Variants in KCNQ1 observed in about 807,000 individuals in gnomAD.
The protein encoded by KCNQ1 is potassium voltage-gated channel subfamily Q member 1.
Under a neutral mutation model 72.4 loss-of-function variants are expected in KCNQ1, and 49 were observed. That is an observed-to-expected ratio of 0.68 (90% confidence interval 0.54 to 0.86). The LOEUF (loss-of-function observed/expected upper bound fraction) is 0.86. KCNQ1 is among the 40% of genes least tolerant of loss of function. KCNQ1 has a pLI of 0.00. For missense variants in KCNQ1, 790 were observed against 945.1 expected (o/e 0.84, Z 2.15); for synonymous variants, 450 against 412.6 (o/e 1.09, Z -1.10).
At chr11:2,518,933 A>G (rs1211671783) in intron 1 of KCNQ1, among the ~76,000 whole-genome samples, 1 of 152,120 alleles carries the variant, frequency 6.6e-6, no homozygotes, top group Non-Finnish European at 1.5e-5. Context: ...CTGGACGGGG[A>G]GGACCAGGCT....
Position 2,570,636 on chromosome 11 carries a change from G to A in KCNQ1, c.486G>A (p.Val162=). 1 of 1,612,686 alleles carries A rather than the reference G, an allele frequency of 6.2e-7. No individual in the cohort carries two copies. The highest frequency in any genetic ancestry group is 8.5e-7 in the Non-Finnish European group (1 of 1,179,994). Residue 162 remains valine, a synonymous_variant, in exon 3 of 16, where the codon GTG becomes GTA. Coordinates refer to ENST00000155840, the MANE Select transcript of KCNQ1 (RefSeq NM_000218.3). ...ATGTLFWMEI[V]LVVFFGTEYV... ...CCACTCTGTCCCTGCAGGAGATCGT[G>A]CTGGTGGTGTTCTTCGGGACGGAGT...
chr11:2,666,558 G>GC, intron 11 of KCNQ1: 1 of 398,646 alleles, frequency 2.5e-6, no homozygotes, highest in East Asian at 3.6e-5. Context: ...CCTGAATTCT[G>GC]CATTTGTCAG....
At chr11:2,839,732 C>T (rs1264863092) in intron 15 of KCNQ1, 2 of 151,680 alleles carry the variant, frequency 1.3e-5, no homozygotes, top group Admixed American at 6.5e-5. Flanking sequence ...AAGAAGAGGC[C>T]TTCTCCGGGT....
rs1846643509 is a variant in KCNQ1, at chr11:2,481,093, A to G, written c.386+35609A>G. On this transcript the variant is annotated intron_variant, in intron 1 of 15. Coordinates refer to ENST00000155840, the MANE Select transcript of KCNQ1 (RefSeq NM_000218.3). This position sits in a 1 kb window ranked among gnomAD's most constrained non-coding sequence, Gnocchi z 4.6. ...GTTGGATTTCACTCATAGCCACGAG[A>G]ACGGGTGGTGGTCTCTTCTGCAGTG... is the stretch of plus-strand genomic sequence containing the variant. 6.6e-6 allele frequency among the ~76,000 whole-genome samples: 1 copy of G among 152,236 alleles called. No individual in the cohort carries two copies. Among genetic ancestry groups the G allele is most frequent in the Admixed American group, 6.5e-5 (1 of 15,282 alleles).
rs1847297620 is a variant in KCNQ1 at position 2,516,922 on chromosome 11, C to G, written c.387-11006C>G. The stretch of plus-strand genomic sequence containing the variant: ...TTGCCTGGTGTCACCGGGAAGCTTC[C>G]TGGCTGCCCGAGGGTCCCCCAGCAC... On this transcript the variant is annotated intron_variant, in intron 1 of 15. Transcript: ENST00000155840. The surrounding 1 kb of genome is among the most constrained non-coding windows in gnomAD (Gnocchi z 7.0). 6.6e-6 allele frequency among the ~76,000 whole-genome samples: 1 copy of G among 152,126 alleles called. No individual in the cohort carries two copies. The highest frequency in any genetic ancestry group is 6.5e-5 in the Admixed American group (1 of 15,272).
intron 5 of KCNQ1, 87 bp from the exon 6 acceptor site, chr11:2,572,759 C>T (rs758700839): frequency 2.4e-5 from 38 of 1,564,726 alleles, no homozygotes; most frequent in South Asian, 5.7e-5. Context: ...GCCCAGTGAT[C>T]GCTGGGACTC....
intron 1 of KCNQ1, among the ~76,000 whole-genome samples, chr11:2,461,227 G>C (rs1165468227): frequency 1.3e-5 from 2 of 151,988 alleles, no homozygotes; most frequent in Non-Finnish European, 2.9e-5. Flanking sequence ...TGCATGTGCA[G>C]GGCTGTTTGA....
At chr11:2,636,737 T>G (rs1408942511) in intron 10 of KCNQ1, 1 of 152,368 alleles carries the variant, frequency 6.6e-6, no homozygotes, top group Admixed American at 6.5e-5. Flanking sequence ...TTTCTATTGT[T>G]TGGAATAGTT....
In KCNQ1 at chr11:2,683,669, A is replaced by G; in HGVS notation, c.1514+21588A>G. On this transcript the variant is annotated intron_variant, in intron 11 of 15. Coordinates refer to ENST00000155840, the MANE Select transcript of KCNQ1 (RefSeq NM_000218.3). The surrounding 1 kb of genome is among the most constrained non-coding windows in gnomAD (Gnocchi z 4.7). ...GGAACATCCCTTACTTTCCCATCTC[A>G]ATACAACTGTGAAAAGCCTAGCCTG... 2.5e-6 allele frequency: 1 copy of G among 398,518 alleles called. No homozygotes were observed. Among genetic ancestry groups the G allele is most frequent in the Non-Finnish European group, 4.4e-6 (1 of 226,048 alleles). The allele number at this position is 398,518 out of a possible 1,614,324, so 24.7% of individuals were successfully genotyped here.
chr11:2,632,893 T>C (rs1849384638), intron 10 of KCNQ1: 1 of 398,404 alleles, frequency 2.5e-6, no homozygotes. Context: ...AATGCAAATA[T>C]CTTTTTTATA....
intron 10 of KCNQ1, chr11:2,635,468 C>G (rs1251131215): frequency 2.0e-5 from 3 of 152,124 alleles, no homozygotes; most frequent in African/African-American, 4.8e-5. Flanking sequence ...TTTCTGTCAG[C>G]TTTGTCAAAG....
chr11:2,491,480 A>T lies in KCNQ1; in HGVS notation c.387-36448A>T, dbSNP rs1482170006. On this transcript the variant is annotated intron_variant, in intron 1 of 15. Transcript: ENST00000155840. The surrounding 1 kb of genome is among the most constrained non-coding windows in gnomAD (Gnocchi z 4.1). The stretch of plus-strand genomic sequence containing the variant: ...TGTATCAGAATCTCTTGATAACAGC[A>T]TTGATCAAGAACAAAAAAGAATTAG... Among the ~76,000 whole-genome samples the T allele has an allele frequency of 6.6e-6, 1 of 152,236 alleles. No individual in the cohort carries two copies. The highest frequency in any genetic ancestry group is 2.1e-4 in the South Asian group (1 of 4,834).
intron 15 of KCNQ1, among the ~76,000 whole-genome samples, chr11:2,796,896 G>T (rs1188297135): frequency 2.0e-5 from 3 of 152,220 alleles, no homozygotes; most frequent in Non-Finnish European, 4.4e-5. Flanking sequence ...GCCAATAAAG[G>T]CCGCCTTTAT....
At chr11:2,800,114 C>A (rs912741513) in intron 15 of KCNQ1, among the ~76,000 whole-genome samples, 1 of 152,214 alleles carries the variant, frequency 6.6e-6, no homozygotes, top group Non-Finnish European at 1.5e-5. Flanking sequence ...GTCCACAGTT[C>A]CCAGGGCTCT....
chr11:2,734,349 G>A lies in KCNQ1; in HGVS notation c.1515-34495G>A, dbSNP rs1374446721. Among the ~76,000 whole-genome samples, 4 of 152,252 alleles carry A rather than the reference G, an allele frequency of 2.6e-5. No homozygotes were observed. Among genetic ancestry groups the A allele is most frequent in the African/African-American group, 9.6e-5 (4 of 41,464 alleles). On this transcript the variant is annotated intron_variant, in intron 11 of 15. Transcript: ENST00000155840. The surrounding 1 kb of genome is among the most constrained non-coding windows in gnomAD (Gnocchi z 7.0). ...CGTGAGGTGGCGGGGAGCACCAAGG[G>A]TAGAGGCAGGGGAGCAATGGATGGG...
Position 2,595,772 on chromosome 11 carries a change from T to C in KCNQ1, c.1393+6918T>C, listed in dbSNP as rs916340556. ...CCATAATCAAGGAGTAATGCCAACT[T>C]TGAAGTCTTATTATTTAAGAAATAC... On this transcript the variant is annotated intron_variant, in intron 10 of 15. Transcript: ENST00000155840. This position sits in a 1 kb window ranked among gnomAD's most constrained non-coding sequence, Gnocchi z 5.0. 6.6e-6 allele frequency among the ~76,000 whole-genome samples: 1 copy of C among 152,222 alleles called. No individual in the cohort carries two copies. The highest frequency in any genetic ancestry group is 2.4e-5 in the African/African-American group (1 of 41,446).
At position 2,711,832 on chromosome 11, in the gene KCNQ1, C is replaced by T. The variant is rs1028864177; in HGVS notation, c.1514+49751C>T. Among the ~76,000 whole-genome samples the T allele has an allele frequency of 6.6e-6, 1 of 152,152 alleles. No individual in the cohort carries two copies. Among genetic ancestry groups the T allele is most frequent in the African/African-American group, 2.4e-5 (1 of 41,426 alleles). ...GCAGACTTAGGAGGGAGGGTCCTGG[C>T]ACTGCTTCTGAGGAGGGTGCCTTTG... On this transcript the variant is annotated intron_variant, in intron 11 of 15. Coordinates refer to ENST00000155840, the MANE Select transcript of KCNQ1 (RefSeq NM_000218.3). This position sits in a 1 kb window ranked among gnomAD's most constrained non-coding sequence, Gnocchi z 5.4.
intron 2 of KCNQ1, among the ~76,000 whole-genome samples, chr11:2,540,579 C>T (rs1847808442): frequency 6.6e-6 from 1 of 152,228 alleles, no homozygotes; most frequent in South Asian, 2.1e-4. Context: ...ATGCTCTCAA[C>T]CCCAAGGTCA....
intron 6 of KCNQ1, among the ~76,000 whole-genome samples, chr11:2,573,302 C>T (rs149311746): frequency 6.6e-6 from 1 of 152,178 alleles, no homozygotes; most frequent in South Asian, 2.1e-4. Context: ...ATGGCTCTGC[C>T]TCCCGCCATC....
Sources: gnomAD v4.1 joint callset for allele counts (sites outside exome capture counted in the v4.1 genomes callset) on GRCh38, gnomAD v4.1.1 for gene constraint, Gnocchi (gnomAD v3.1) non-coding constraint, MANE v1.5 for transcripts, NCBI Gene and HGNC (gene_info 2026-07-23, HGNC 2026-07-21) for gene names.